The following TCEA3 variants were observed in gnomAD, a reference collection of about 807,000 sequenced individuals.
TCEA3 encodes the protein transcription elongation factor A3.
A neutral mutation model predicts 44.0 loss-of-function variants in TCEA3; 36 were observed. That is an observed-to-expected ratio of 0.82 (90% confidence interval 0.63 to 1.08). TCEA3 has a LOEUF of 1.08. Among genes scored for constraint, TCEA3 ranks in the 50% least tolerant of loss-of-function variants. The pLI is 0.00. For missense variants in TCEA3, 392 were observed against 441.2 expected, an observed-to-expected ratio of 0.89 and a Z score of 1.00; for synonymous variants, 162 against 159.7, an observed-to-expected ratio of 1.01 and a Z score of -0.11.
intron 10 of TCEA3, chr1:23,383,832 G>A: frequency 1.0e-6 from 1 of 986,946 alleles, no homozygotes; most frequent in Non-Finnish European, 1.2e-6. Context: ...GCAGGAGCTG[G>A]GGCAGTCTGA....
intron 10 of TCEA3, among the ~76,000 whole-genome samples, chr1:23,382,573 T>C (rs899860816): frequency 1.3e-5 from 2 of 152,220 alleles, no homozygotes; most frequent in Non-Finnish European, 2.9e-5. Context: ...CTCTGTTTGC[T>C]CCGTACCCTG....
At chr1:23,389,764 G>C (rs926307423) in intron 8 of TCEA3, among the ~76,000 whole-genome samples, 2 of 152,196 alleles carry the variant, frequency 1.3e-5, no homozygotes, top group African/African-American at 4.8e-5. Context: ...GTGTTTGTCA[G>C]CTTCCATGGG....
At chr1:23,417,755 C>T in intron 3 of TCEA3, 149 bp downstream of exon 3, 1 of 735,746 alleles carries the variant, frequency 1.4e-6, no homozygotes, top group South Asian at 1.9e-5. Flanking sequence ...TGGCAGTCCC[C>T]CACTAGCTAC....
chr1:23,408,814 G>A (rs1459969995), intron 4 of TCEA3, 88 bp from the exon 5 acceptor site: 1 of 1,338,774 alleles, frequency 7.5e-7, no homozygotes, highest in Non-Finnish European at 1.0e-6. Context: ...CTGGGAAAAG[G>A]CCAGCTGGCT....
In TCEA3 at chr1:23,397,822, C is replaced by G; in HGVS notation, c.577G>C (p.Glu193Gln). The stretch of plus-strand genomic sequence containing the variant: ...GCCTTCAGGGCTGCTGACAGCATCT[C>G]CACACACTTGTCCCGGACAGAGTCC... The part of the protein sequence containing the change: ...TGDSVRDKCV[E>Q]MLSAALKADD... Residue 193 changes from glutamate to glutamine, a missense_variant, in exon 6 of 11, where the codon GAG becomes CAG. Transcript: ENST00000450454. 6.2e-7 allele frequency: 1 copy of G among 1,613,970 alleles called. No homozygotes were observed. Among genetic ancestry groups the G allele is most frequent in the Non-Finnish European group, 8.5e-7 (1 of 1,179,896 alleles).
intron 1 of TCEA3, chr1:23,423,991 G>A (rs910501649): frequency 4.4e-5 from 17 of 385,828 alleles, no homozygotes; most frequent in Non-Finnish European, 8.1e-5. Context: ...CCAAGGCCAA[G>A]GAAAGGGAAA....
At chr1:23,384,536 C>T (rs529180627) in intron 9 of TCEA3, 119 bp from the exon 10 acceptor site, 18 of 1,008,260 alleles carry the variant, frequency 1.8e-5, no homozygotes, top group Admixed American at 1.6e-4. Context: ...TCCCACCCCC[C>T]GCTGGCAATT....
At chr1:23,397,693 T>C in intron 6 of TCEA3, 92 bp from the exon 7 acceptor site, 3 of 1,605,160 alleles carry the variant, frequency 1.9e-6, no homozygotes, top group Non-Finnish European at 2.6e-6. Flanking sequence ...TCCTGTACCA[T>C]CCCTTGGGGT....
chr1:23,418,664 G>A lies in TCEA3; in HGVS notation c.132+413C>T, dbSNP rs542568671. 6.6e-5 allele frequency among the ~76,000 whole-genome samples: 10 copies of A among 152,248 alleles called. No homozygotes were observed. In the East Asian group the frequency reaches 1.7e-3, roughly 26 times the overall value. ...CAACTGAGACAGCAGCTCCGGCTATGAGACCTTGCATCTGTCTGTGCTGAT... is the reference window on the plus strand; with the variant it reads ...CAACTGAGACAGCAGCTCCGGCTATAAGACCTTGCATCTGTCTGTGCTGAT... On this transcript the variant is annotated intron_variant, in intron 2 of 10. Coordinates refer to ENST00000450454, the MANE Select transcript of TCEA3 (RefSeq NM_003196.3).
At chr1:23,423,712 G>A in intron 1 of TCEA3, 1 of 455,866 alleles carries the variant, frequency 2.2e-6, no homozygotes, top group South Asian at 1.5e-5. Context: ...AGGCCCTCCA[G>A]GACCCAAGGC....
rs745590450 is a variant in TCEA3, at chr1:23,384,376, G to T, written c.1008C>A (p.Val336=). Residue 336 remains valine, a synonymous_variant, in exon 10 of 11, where the codon GTC becomes GTA. Transcript: ENST00000450454. ...AGCGATTGCCACATTCATTGCATAA[G>T]ACAAAGGTAGTCATGGGCTCATCAG... ...RSADEPMTTF[V]LCNECGNRWK... 1 of 1,613,936 alleles carries T rather than the reference G, an allele frequency of 6.2e-7. No homozygotes were observed. Among genetic ancestry groups the T allele is most frequent in the Admixed American group, 1.7e-5 (1 of 60,018 alleles).
chr1:23,424,569 T>A lies in TCEA3; in HGVS notation c.65A>T (p.Asn22Ile). 6.2e-7 allele frequency: 1 copy of A among 1,607,552 alleles called. No homozygotes were observed. Among genetic ancestry groups the A allele is most frequent in the Non-Finnish European group, 8.5e-7 (1 of 1,178,752 alleles). ...GCCCAAACTCTGCAGCCTCACCGTG[T>A]TCTTCCTGGCCACCATCTTCTCCAG... ...KKLEKMVARKNTEGALDLLKK... is the reference protein window; with the variant it reads ...KKLEKMVARKITEGALDLLKK... Residue 22 changes from asparagine to isoleucine, a missense_variant, in exon 1 of 11, where the codon AAC becomes ATC. Physicochemically the swap from Asn to Ile is moderately radical, Grantham distance 149 (BLOSUM62 -3). Coordinates refer to ENST00000450454, the MANE Select transcript of TCEA3 (RefSeq NM_003196.3).
At position 23,417,474 on chromosome 1, in the gene TCEA3, G is replaced by A. The variant is rs185144511; in HGVS notation, c.239-84C>T. The A allele has an allele frequency of 5.3e-6, 8 of 1,512,974 alleles. No individual in the cohort carries two copies. In the Admixed American group the frequency reaches 1.9e-4, roughly 36 times the overall value. The allele number at this position is 1,512,974 out of a possible 1,614,324, so 93.7% of individuals were successfully genotyped here. On this transcript the variant is annotated intron_variant, in intron 3 of 10. Coordinates refer to ENST00000450454, the MANE Select transcript of TCEA3 (RefSeq NM_003196.3). ...ATGACTTAGTGGGGAGAGAGCAAAG[G>A]GCAGGGACGAGGACAGCTGCACACA... is the stretch of plus-strand genomic sequence containing the variant.
At chr1:23,414,908 A>G (rs967815302) in intron 4 of TCEA3, among the ~76,000 whole-genome samples, 4 of 152,002 alleles carry the variant, frequency 2.6e-5, no homozygotes, top group African/African-American at 9.7e-5. Flanking sequence ...GAAGAAGGCC[A>G]TAAGTGACAA....
At chr1:23,416,021 T>G (rs953752979) in intron 4 of TCEA3, among the ~76,000 whole-genome samples, 3 of 136,614 alleles carry the variant, frequency 2.2e-5, no homozygotes, top group South Asian at 2.4e-4. Context: ...TTTTTTTTTT[T>G]GTGAGACGGA....
chr1:23,421,098 A>ATGTG (rs1304387851), intron 1 of TCEA3, among the ~76,000 whole-genome samples: 1 of 152,170 alleles, frequency 6.6e-6, no homozygotes, highest in African/African-American at 2.4e-5. Flanking sequence ...TGACCTGCAG[A>ATGTG]TGTGTGTGTA....
chr1:23,397,155 C>G (rs1214885687), intron 7 of TCEA3, among the ~76,000 whole-genome samples: 13 of 152,172 alleles, frequency 8.5e-5, no homozygotes, highest in Admixed American at 8.5e-4. Flanking sequence ...CACAGCCTAG[C>G]TGGCACAGCC....
intron 7 of TCEA3, among the ~76,000 whole-genome samples, chr1:23,395,869 G>T (rs1273356559): frequency 1.3e-5 from 2 of 151,568 alleles, no homozygotes; most frequent in African/African-American, 4.9e-5. Context: ...ATGGAGGAAA[G>T]GCTGGGAGTG....
At chr1:23,387,010 G>C (rs187130951) in intron 9 of TCEA3, among the ~76,000 whole-genome samples, 1 of 152,110 alleles carries the variant, frequency 6.6e-6, no homozygotes, top group East Asian at 1.9e-4. Flanking sequence ...GTGAGCCACC[G>C]CGCCCGGCAT....
Sources: allele counts gnomAD v4.1 joint callset (sites outside exome capture counted in the v4.1 genomes callset), GRCh38; gene constraint gnomAD v4.1.1; transcripts MANE v1.5; gene names NCBI Gene and HGNC (gene_info 2026-07-23, HGNC 2026-07-21).